SORCS1: variants seen among roughly 807,000 people sequenced by gnomAD.
SORCS1 encodes sortilin related VPS10 domain containing receptor 1.
Under a neutral mutation model 146.1 loss-of-function variants are expected in SORCS1, and 60 were observed. That is an observed-to-expected ratio of 0.41 (90% CI 0.33 to 0.51). The LOEUF (loss-of-function observed/expected upper bound fraction) is 0.51, where lower values mean the gene tolerates loss of function less well. Ranked by LOEUF, SORCS1 falls within the 20% of genes least tolerant of loss-of-function variation. The probability of loss-of-function intolerance (pLI) is 0.21; values close to 1 mark genes in which losing one functional copy is unlikely to be tolerated. For synonymous variants in SORCS1, 637 were observed against 584.0 expected, an observed-to-expected ratio of 1.09 and a Z score of -1.31; for missense variants, 1,352 against 1,487.6, an observed-to-expected ratio of 0.91 and a Z score of 1.50.
At chr10:106,832,825 G>A (rs1427447290) in intron 2 of SORCS1, among the ~76,000 whole-genome samples, 1 of 151,950 alleles carries the variant, frequency 6.6e-6, no homozygotes, top group Non-Finnish European at 1.5e-5. Context: ...AATGAAAAAA[G>A]AGACTAAAAA....
At chr10:106,719,920 T>C (rs1477019531) in intron 6 of SORCS1, among the ~76,000 whole-genome samples, 1 of 152,170 alleles carries the variant, frequency 6.6e-6, no homozygotes, top group Admixed American at 6.5e-5. Context: ...CTCATATCCA[T>C]ATCCTTTGCA....
chr10:106,941,523 G>A (rs767940834), intron 2 of SORCS1, among the ~76,000 whole-genome samples: 32 of 152,284 alleles, frequency 2.1e-4, no homozygotes, highest in African/African-American at 7.5e-4. Flanking sequence ...CCAAGGGCAC[G>A]TGTTGCCTTG....
At chr10:106,671,163 A>T (rs1851569335) in intron 16 of SORCS1, 74 bp downstream of exon 16, 2 of 1,592,562 alleles carry the variant, frequency 1.3e-6, no homozygotes, top group Non-Finnish European at 1.7e-6. Context: ...TATTATTTCA[A>T]TTCTAAGCTT....
At chr10:106,752,356 T>C (rs750246022) in intron 5 of SORCS1, among the ~76,000 whole-genome samples, 10 of 152,188 alleles carry the variant, frequency 6.6e-5, no homozygotes, top group South Asian at 4.1e-4. Context: ...GTGATCCTAA[T>C]AAATGACAAA....
At chr10:107,042,980 T>C (rs1046720064) in intron 1 of SORCS1, among the ~76,000 whole-genome samples, 46 of 152,194 alleles carry the variant, frequency 3.0e-4, no homozygotes, top group African/African-American at 1.1e-3. Context: ...AATAAATTTA[T>C]TTGTTAAGAT....
chr10:107,167,352 A>G (rs986889246), upstream of SORCS1, among the ~76,000 whole-genome samples: 1 of 152,228 alleles, frequency 6.6e-6, no homozygotes, highest in African/African-American at 2.4e-5. Context: ...TAAGCAATCC[A>G]ATAGATTTTT....
intron 1 of SORCS1, among the ~76,000 whole-genome samples, chr10:106,962,095 C>G (rs961674685): frequency 6.6e-6 from 1 of 152,040 alleles, no homozygotes. Flanking sequence ...CCAAGGATGT[C>G]TTAGAAAATG....
chr10:107,021,308 C>G (rs947934248), intron 1 of SORCS1, among the ~76,000 whole-genome samples: 7 of 151,694 alleles, frequency 4.6e-5, no homozygotes, highest in African/African-American at 1.7e-4. Context: ...GTCAGGAGAT[C>G]GAGACCATCC....
Position 106,958,872 on chromosome 10 carries a change from C to A in SORCS1, c.559-2292G>T, listed in dbSNP as rs548149681. On this transcript the variant is annotated intron_variant, in intron 1 of 25. Transcript: ENST00000263054. Reference sequence around the variant, plus strand: ...AGCAGGGTGGCTGTTTGTTTGAAGACACAGAATGATGTTCCTACTCCACCT... The same window carrying A: ...AGCAGGGTGGCTGTTTGTTTGAAGAAACAGAATGATGTTCCTACTCCACCT... Among the ~76,000 whole-genome samples, 3 of 152,272 alleles carry A rather than the reference C, an allele frequency of 2.0e-5. No individual in the cohort carries two copies. In the East Asian group the frequency reaches 5.8e-4, roughly 29 times the overall value.
intron 18 of SORCS1, among the ~76,000 whole-genome samples, chr10:106,649,264 GC>G (rs1212353063): frequency 6.6e-6 from 1 of 152,072 alleles, no homozygotes; most frequent in Non-Finnish European, 1.5e-5. Flanking sequence ...GGTAGCAAAC[GC>G]CTACTGGGGC....
intron 2 of SORCS1, among the ~76,000 whole-genome samples, chr10:106,899,882 A>G (rs1227079477): frequency 1.3e-5 from 2 of 152,032 alleles, no homozygotes; most frequent in Non-Finnish European, 2.9e-5. Context: ...AGAATAAGCC[A>G]TGTTATTTCA....
At chr10:107,039,999 G>A (rs11193183) in intron 1 of SORCS1, among the ~76,000 whole-genome samples, 38,885 of 151,942 alleles carry the variant, frequency 0.26, 6,988 homozygotes, top group East Asian at 0.76. Flanking sequence ...AGTTGACGCC[G>A]CCATGAATCA....
chr10:106,896,187 G>C (rs1951468375), intron 2 of SORCS1, among the ~76,000 whole-genome samples: 1 of 152,088 alleles, frequency 6.6e-6, no homozygotes, highest in Non-Finnish European at 1.5e-5. Flanking sequence ...CTAGCACTTT[G>C]GGAGGCCAAG....
At position 107,035,792 on chromosome 10, in the gene SORCS1, C is replaced by T. The variant is rs566409863; in HGVS notation, c.559-79212G>A. On this transcript the variant is annotated intron_variant, in intron 1 of 25. Transcript: ENST00000263054. ...AGGGACAGCACTTCTAGAATACTTA[C>T]ACTCTTAAGTGCTTTACTTGAATGG... Among the ~76,000 whole-genome samples, 9 of 152,216 alleles carry T rather than the reference C, an allele frequency of 5.9e-5. No individual in the cohort carries two copies. The South Asian group carries it at 1.9e-3, about 32-fold the overall frequency.
chr10:106,621,198 A>T (rs375171396), intron 19 of SORCS1, among the ~76,000 whole-genome samples: 7 of 152,242 alleles, frequency 4.6e-5, no homozygotes, highest in Middle Eastern at 3.4e-3. Context: ...ATATAGAATG[A>T]TTTTATCTAC....
chr10:106,820,699 C>T (rs1358656041), intron 3 of SORCS1, among the ~76,000 whole-genome samples: 2 of 152,160 alleles, frequency 1.3e-5, no homozygotes, highest in African/African-American at 2.4e-5. Flanking sequence ...TTTCCTGTAG[C>T]GGACAGCATT....
chr10:106,861,383 G>C (rs1416157065), intron 2 of SORCS1, among the ~76,000 whole-genome samples: 1 of 143,052 alleles, frequency 7.0e-6, no homozygotes, highest in East Asian at 2.1e-4. Flanking sequence ...CTGGGGGACA[G>C]AGTGAGACTC....
chr10:106,845,895 G>A (rs1426315818), intron 2 of SORCS1, among the ~76,000 whole-genome samples: 3 of 109,840 alleles, frequency 2.7e-5, no homozygotes, highest in African/African-American at 5.7e-5. Context: ...ATAGTTGTAG[G>A]TATGTGGCGT....
At chr10:107,056,573 CTT>C (rs1348704003) in intron 1 of SORCS1, among the ~76,000 whole-genome samples, 1 of 152,192 alleles carries the variant, frequency 6.6e-6, no homozygotes, top group East Asian at 1.9e-4. Flanking sequence ...AAAACTATCT[CTT>C]ATCATATAAT....
Sources: allele counts gnomAD v4.1 joint callset (sites outside exome capture counted in the v4.1 genomes callset), GRCh38; gene constraint gnomAD v4.1.1; transcripts MANE v1.5; gene names NCBI Gene and HGNC (gene_info 2026-07-23, HGNC 2026-07-21).